SVEP1: variants seen among roughly 807,000 people sequenced by gnomAD.
SVEP1 encodes the protein sushi, von Willebrand factor type A, EGF and pentraxin domain-containing protein 1.
Under a neutral mutation model 367.3 loss-of-function variants are expected in SVEP1, and 164 were observed. That is an observed-to-expected ratio of 0.45 (90% CI 0.39 to 0.51). The LOEUF is 0.51. Ranked by LOEUF, SVEP1 falls within the 20% of genes least tolerant of loss-of-function variation. The pLI is 0.00. For missense variants in SVEP1, 4,117 were observed against 4,425.3 expected (o/e 0.93, Z 1.98); for synonymous variants, 1,666 against 1,611.6 (o/e 1.03, Z -0.81).
intron 27 of SVEP1, among the ~76,000 whole-genome samples, chr9:110,439,710 A>T (rs1368542482): frequency 2.0e-5 from 3 of 151,970 alleles, no homozygotes; most frequent in Admixed American, 2.0e-4. Context: ...AATGTTGGTT[A>T]TTTAAGCCAC....
intron 1 of SVEP1, among the ~76,000 whole-genome samples, chr9:110,561,440 A>G (rs1043383662): frequency 5.3e-5 from 8 of 152,184 alleles, no homozygotes; most frequent in African/African-American, 1.9e-4. Context: ...TTCTCACTCT[A>G]TTGATAACAA....
chr9:110,547,556 G>A (rs1309023880), intron 2 of SVEP1, among the ~76,000 whole-genome samples: 1 of 152,100 alleles, frequency 6.6e-6, no homozygotes, highest in Non-Finnish European at 1.5e-5. Context: ...TAGCCTGTGT[G>A]ACAGAATGAG....
rs550736015 is a variant in SVEP1, at chr9:110,545,411, C to A, written c.964+704G>T. On this transcript the variant is annotated intron_variant, in intron 3 of 47. Transcript: ENST00000374469. ...AGTGTTTAAGAGTGCCTCTTTCTCT[C>A]CATCCTTGCCATCATTTGTAATTTT... Among the ~76,000 whole-genome samples, 3 of 152,304 alleles carry A rather than the reference C, an allele frequency of 2.0e-5. No homozygotes were observed. In the East Asian group the frequency reaches 5.8e-4, roughly 29 times the overall value.
rs377711719 is a variant in SVEP1 at position 110,499,065 on chromosome 9, C to T, written c.1657G>A (p.Gly553Arg). Residue 553 changes from glycine (G) to arginine (R), a missense_variant, in exon 7 of 48, where the codon GGA (glycine) becomes AGA (arginine). Gly to Arg is a moderately radical substitution (Grantham distance 125). Coordinates refer to ENST00000374469, the MANE Select transcript of SVEP1 (RefSeq NM_153366.4). ...RCTTSGKWNV[G>R]VQAAVCKDVE... ...CCTTTACACACAGCTGCCTGAACTC[C>T]GACATTCCATTTTCCAGAAGTGGTA... The T allele has an allele frequency of 1.5e-4, 234 of 1,613,368 alleles. No homozygotes were observed. The South Asian group carries it at 1.9e-3, about 13-fold the overall frequency.
chr9:110,485,510 G>A (rs904952204), intron 9 of SVEP1, among the ~76,000 whole-genome samples: 2 of 152,082 alleles, frequency 1.3e-5, no homozygotes, highest in East Asian at 1.9e-4. Flanking sequence ...GGGTTGATAG[G>A]TGCAGCAAAC....
At chr9:110,374,959 G>T (rs1362177691) in intron 46 of SVEP1, among the ~76,000 whole-genome samples, 1 of 149,758 alleles carries the variant, frequency 6.7e-6, no homozygotes, top group Non-Finnish European at 1.5e-5. Flanking sequence ...TGGATAAAGT[G>T]TTTTTTTTTT....
rs1412788821 is a variant in SVEP1 at position 110,451,395 on chromosome 9, C to T, written c.3795G>A (p.Arg1265=). 6.2e-7 allele frequency: 1 copy of T among 1,612,194 alleles called. No homozygotes were observed. The highest frequency in any genetic ancestry group is 8.5e-7 in the Non-Finnish European group (1 of 1,178,808). ...TACACTCATTTATATTTTCTTCACA[C>T]CGCTGACCTGCAAAGAATCATTCAT... ...CECPSGYTGQ[R]CEENINECSS... is the part of the protein sequence containing the mutation. The change falls in exon 23 of 48, where the codon CGG becomes CGA. Residue 1265 remains arginine, a synonymous_variant. Coordinates refer to ENST00000374469, the MANE Select transcript of SVEP1 (RefSeq NM_153366.4).
intron 40 of SVEP1, among the ~76,000 whole-genome samples, chr9:110,389,994 A>G (rs952721841): frequency 1.6e-4 from 20 of 123,248 alleles, no homozygotes; most frequent in African/African-American, 5.1e-4. Context: ...ATAAAAACAC[A>G]TGTGATGTAT....
At position 110,481,956 on chromosome 9, in the gene SVEP1, A is replaced by T. The variant is rs757735650; in HGVS notation, c.2170+405T>A. ...TCAAACTCCTGATCTCAAGTGATCC[A>T]CCCGCCTCGGCCTCCCAAAACACTG... On this transcript the variant is annotated intron_variant, in intron 11 of 47. Transcript: ENST00000374469. Among the ~76,000 whole-genome samples, 34 of 151,938 alleles carry T rather than the reference A, an allele frequency of 2.2e-4. 2 individuals carry two copies. The highest frequency in any genetic ancestry group is 1.0e-4 in the Non-Finnish European group (7 of 67,972).
chr9:110,578,156 T>A (rs1414401277), intron 1 of SVEP1, among the ~76,000 whole-genome samples: 1 of 152,182 alleles, frequency 6.6e-6, no homozygotes, highest in African/African-American at 2.4e-5. Context: ...GATAACTTAG[T>A]AAGGAAAAAT....
In SVEP1 at chr9:110,550,000, T is replaced by C. The variant is rs376486332; in HGVS notation, c.636A>G (p.Arg212=). 2.7e-5 allele frequency: 44 copies of C among 1,613,832 alleles called. No homozygotes were observed. Among genetic ancestry groups the C allele is most frequent in the Middle Eastern group, 1.6e-4 (1 of 6,062 alleles). Residue 212 remains arginine, a synonymous_variant, in exon 2 of 48, where the codon CGA becomes CGG. Transcript: ENST00000374469. ...GDPRPIAASL[R]DSGVEIFTFG... ...AAGTGAAGATCTCCACTCCTGAATC[T>C]CGCAGTGACGCTGCAATTGGTCTAG...
chr9:110,459,892 AAT>A (rs954127718), intron 18 of SVEP1, among the ~76,000 whole-genome samples: 143 of 152,106 alleles, frequency 9.4e-4, no homozygotes, highest in African/African-American at 3.3e-3. Flanking sequence ...ATTTCTCCTG[AAT>A]AGTCTTTTAT....
At chr9:110,428,934 G>C (rs569179351) in intron 35 of SVEP1, among the ~76,000 whole-genome samples, 1 of 152,296 alleles carries the variant, frequency 6.6e-6, no homozygotes, top group South Asian at 2.1e-4. Context: ...GCTGGGCATA[G>C]TGACGCACAC....
At chr9:110,548,087 C>T (rs189797188) in intron 2 of SVEP1, among the ~76,000 whole-genome samples, 19 of 152,280 alleles carry the variant, frequency 1.2e-4, no homozygotes, top group Non-Finnish European at 1.8e-4. Flanking sequence ...TCCCATCTGG[C>T]AACACCCAGT....
At chr9:110,555,616 T>C (rs1931307) in intron 1 of SVEP1, among the ~76,000 whole-genome samples, 16,646 of 152,248 alleles carry the variant, frequency 0.11, 1,115 homozygotes, top group East Asian at 0.31. Flanking sequence ...GCCATGATTC[T>C]ATTTTTCTTC....
intron 43 of SVEP1, among the ~76,000 whole-genome samples, chr9:110,380,024 T>C (rs1017848700): frequency 2.0e-5 from 3 of 152,186 alleles, no homozygotes; most frequent in Admixed American, 6.6e-5. Flanking sequence ...CTCTAGTCTA[T>C]AGATGCTCAG....
intron 1 of SVEP1, among the ~76,000 whole-genome samples, chr9:110,560,868 G>C (rs1250426576): frequency 6.6e-6 from 1 of 152,104 alleles, no homozygotes; most frequent in Non-Finnish European, 1.5e-5. Context: ...TGAAAATCAA[G>C]AGTTGTTTTA....
In SVEP1 at chr9:110,407,877, C is replaced by T. The variant is rs1450759269; in HGVS notation, c.7723G>A (p.Gly2575Ser). The change falls in exon 38 of 48, where the codon GGT (glycine) becomes AGT (serine). Residue 2575 changes from glycine to serine, a missense_variant. Gly to Ser is a moderately conservative substitution (Grantham distance 56). This residue lies in a region of SVEP1 where 1,765 missense variants were observed against 1,781.1 expected (regional missense o/e 0.99). Transcript: ENST00000374469. Reference sequence around the variant, plus strand: ...AAGCAACTGTAGATGATTATGGCACCATAGCTGTAATCTGCACCTTCTACA... The same window carrying T: ...AAGCAACTGTAGATGATTATGGCACTATAGCTGTAATCTGCACCTTCTACA... ...GFVEGADYSY[G>S]AIIIYSCFPG... The T allele has an allele frequency of 2.5e-6, 4 of 1,614,002 alleles. No individual in the cohort carries two copies. The highest frequency in any genetic ancestry group is 3.4e-6 in the Non-Finnish European group (4 of 1,179,890).
At chr9:110,505,003 G>A (rs961055882) in intron 5 of SVEP1, among the ~76,000 whole-genome samples, 1 of 152,130 alleles carries the variant, frequency 6.6e-6, no homozygotes, top group African/African-American at 2.4e-5. Flanking sequence ...CCATGAGAAA[G>A]CAGTAGGAAG....
Sources: gnomAD v4.1 joint callset for allele counts (sites outside exome capture counted in the v4.1 genomes callset) on GRCh38, gnomAD v4.1.1 for gene constraint, gnomAD v4.1.1 regional missense constraint, MANE v1.5 for transcripts, NCBI Gene and HGNC (gene_info 2026-07-23, HGNC 2026-07-21) for gene names.